The following SPIDR variants were observed in gnomAD, a reference collection of about 807,000 sequenced individuals.
The protein encoded by SPIDR is DNA repair-scaffolding protein.
A neutral mutation model predicts 104.6 loss-of-function variants in SPIDR; 93 were observed. The observed-to-expected ratio is 0.89, with a 90% CI of 0.75 to 1.06. SPIDR has a LOEUF of 1.06. Ranked by LOEUF, SPIDR falls within the 50% of genes least tolerant of loss-of-function variation. The pLI is 0.00. For missense variants in SPIDR, 1,154 were observed against 1,111.2 expected (o/e 1.04, Z -0.55); for synonymous variants, 431 against 416.9 (o/e 1.03, Z -0.41).
chr8:47,341,060 G>C (rs1408730788), intron 5 of SPIDR, among the ~76,000 whole-genome samples: 2 of 152,190 alleles, frequency 1.3e-5, no homozygotes, highest in African/African-American at 4.8e-5. Flanking sequence ...AGCTTGGGGG[G>C]GATGCCCGTT....
intron 7 of SPIDR, among the ~76,000 whole-genome samples, chr8:47,411,642 G>GAA (rs1190464064): frequency 2.0e-5 from 3 of 152,142 alleles, no homozygotes; most frequent in Non-Finnish European, 2.9e-5. Context: ...TTGCTGTGCA[G>GAA]AAGCTCTTTA....
intron 8 of SPIDR, among the ~76,000 whole-genome samples, chr8:47,540,517 C>CT (rs2087889304): frequency 6.6e-6 from 1 of 152,118 alleles, no homozygotes; most frequent in Non-Finnish European, 1.5e-5. Context: ...GTCCCTAGCC[C>CT]TCTTCTGCCC....
At chr8:47,552,513 T>C (rs886648052) in intron 8 of SPIDR, among the ~76,000 whole-genome samples, 45 of 152,348 alleles carry the variant, frequency 3.0e-4, no homozygotes, top group African/African-American at 1.1e-3. Context: ...TTGATCCCTT[T>C]ACCATTATGT....
At chr8:47,507,380 C>T (rs1038401991) in intron 8 of SPIDR, among the ~76,000 whole-genome samples, 10 of 152,202 alleles carry the variant, frequency 6.6e-5, no homozygotes, top group Non-Finnish European at 1.3e-4. Flanking sequence ...AGACTGGACC[C>T]AAGACATGCC....
chr8:47,306,103 T>A (rs1230756477), intron 5 of SPIDR, among the ~76,000 whole-genome samples: 5 of 152,212 alleles, frequency 3.3e-5, no homozygotes, highest in Admixed American at 2.0e-4. Flanking sequence ...TTATTTCACT[T>A]AGCATAATAT....
chr8:47,546,226 G>A (rs142735492), intron 8 of SPIDR, among the ~76,000 whole-genome samples: 14 of 151,632 alleles, frequency 9.2e-5, no homozygotes, highest in Non-Finnish European at 1.5e-4. Context: ...TAATGAAGGT[G>A]TCTGAGCCTG....
intron 7 of SPIDR, among the ~76,000 whole-genome samples, chr8:47,421,908 G>A (rs909699718): frequency 4.6e-5 from 7 of 152,296 alleles, no homozygotes; most frequent in East Asian, 3.9e-4. Context: ...TATCAGCAGC[G>A]GAGGCTGCAG....
intron 11 of SPIDR, among the ~76,000 whole-genome samples, chr8:47,695,180 C>CTTGT (rs1432599225): frequency 1.3e-5 from 2 of 151,994 alleles, no homozygotes; most frequent in East Asian, 3.9e-4. Context: ...CAGTTTTGGC[C>CTTGT]TTGTAGGCTG....
chr8:47,476,253 G>A (rs2076280336), intron 8 of SPIDR, among the ~76,000 whole-genome samples: 1 of 152,170 alleles, frequency 6.6e-6, no homozygotes, highest in South Asian at 2.1e-4. Flanking sequence ...TTCAGCTACT[G>A]GAGGGCAGAG....
intron 5 of SPIDR, among the ~76,000 whole-genome samples, chr8:47,350,230 C>T (rs1310540247): frequency 6.6e-6 from 1 of 152,200 alleles, no homozygotes; most frequent in Non-Finnish European, 1.5e-5. Context: ...AGAAAATGCT[C>T]TGAGCAGCTC....
rs2037976983 is a variant in SPIDR, at chr8:47,282,437, T to A, written c.190-1591T>A. On this transcript the variant is annotated intron_variant, in intron 2 of 19. Transcript: ENST00000297423. ...ACCTTCATCAGTGATCTTAACTAGA[T>A]CTTCTGGATCACTTCCTGCATTACC... 2.6e-5 allele frequency among the ~76,000 whole-genome samples: 4 copies of A among 152,376 alleles called. No individual in the cohort carries two copies. The South Asian group carries it at 8.3e-4, about 32-fold the overall frequency.
chr8:47,549,775 C>A (rs1049001913), intron 8 of SPIDR, among the ~76,000 whole-genome samples: 2 of 152,092 alleles, frequency 1.3e-5, no homozygotes, highest in African/African-American at 2.4e-5. Context: ...TTTAATTAGA[C>A]CCCATTTGTC....
chr8:47,336,425 G>A lies in SPIDR; in HGVS notation c.525+42395G>A, dbSNP rs566765419. Among the ~76,000 whole-genome samples, 4 of 152,322 alleles carry A rather than the reference G, an allele frequency of 2.6e-5. No homozygotes were observed. In the East Asian group the frequency reaches 5.8e-4, roughly 22 times the overall value. The stretch of plus-strand genomic sequence containing the variant: ...GCTTTAATTGGGTGCTATGGCTGGG[G>A]AGATGGGAGCTCAGTCTTAAATCCC... On this transcript the variant is annotated intron_variant, in intron 5 of 19. Coordinates refer to ENST00000297423, the MANE Select transcript of SPIDR (RefSeq NM_001080394.4).
At chr8:47,456,622 T>C (rs1348159994) in intron 8 of SPIDR, among the ~76,000 whole-genome samples, 2 of 152,192 alleles carry the variant, frequency 1.3e-5, no homozygotes. Context: ...AATTAATTTA[T>C]TTCCATAGGT....
chr8:47,389,375 G>C (rs1467085916), intron 5 of SPIDR, among the ~76,000 whole-genome samples: 1 of 151,974 alleles, frequency 6.6e-6, no homozygotes, highest in East Asian at 1.9e-4. Context: ...AATTTTTTTT[G>C]TAAGGATGAT....
intron 10 of SPIDR, among the ~76,000 whole-genome samples, chr8:47,643,838 T>C (rs934068450): frequency 6.6e-5 from 10 of 152,208 alleles, no homozygotes; most frequent in African/African-American, 1.9e-4. Flanking sequence ...CCTCATGAAA[T>C]AGAAATTCAG....
intron 5 of SPIDR, among the ~76,000 whole-genome samples, chr8:47,298,732 T>G (rs2154244653): frequency 6.6e-6 from 1 of 152,356 alleles, no homozygotes; most frequent in South Asian, 2.1e-4. Context: ...ATTTCTTGTT[T>G]TTGTCAGGTT....
chr8:47,456,448 T>C (rs1326197519), intron 8 of SPIDR, among the ~76,000 whole-genome samples: 2 of 152,178 alleles, frequency 1.3e-5, no homozygotes, highest in African/African-American at 4.8e-5. Flanking sequence ...AGCAAACTAA[T>C]ACATTTTAAA....
At chr8:47,637,983 T>C (rs557124334) in intron 10 of SPIDR, among the ~76,000 whole-genome samples, 3 of 152,330 alleles carry the variant, frequency 2.0e-5, no homozygotes, top group East Asian at 3.9e-4. Context: ...TATGGACTTG[T>C]ACATATTTAT....
Sources: allele counts gnomAD v4.1 joint callset (sites outside exome capture counted in the v4.1 genomes callset), GRCh38; gene constraint gnomAD v4.1.1; transcripts MANE v1.5; gene names NCBI Gene and HGNC (gene_info 2026-07-23, HGNC 2026-07-21).